The following PCDH15 variants were observed in gnomAD, a reference collection of about 807,000 sequenced individuals.
PCDH15 encodes protocadherin related 15, also known as protocadherin-15.
Under a neutral mutation model 178.5 loss-of-function variants are expected in PCDH15, and 129 were observed. That is an observed-to-expected ratio of 0.72 (90% CI 0.63 to 0.84). PCDH15 has a LOEUF of 0.84. Ranked by LOEUF, PCDH15 falls within the 40% of genes least tolerant of loss-of-function variation. The pLI is 0.00. For missense variants in PCDH15, 2,230 were observed against 2,099.9 expected (o/e 1.06, Z -1.21); for synonymous variants, 800 against 732.0 (o/e 1.09, Z -1.50).
At chr10:54,382,354 GC>G (rs1949344408) in intron 3 of PCDH15, among the ~76,000 whole-genome samples, 1 of 152,068 alleles carries the variant, frequency 6.6e-6, no homozygotes, top group African/African-American at 2.4e-5. Flanking sequence ...TCATGTAACT[GC>G]TAATATAGAC....
chr10:54,202,242 C>G (rs550023122), intron 10 of PCDH15, among the ~76,000 whole-genome samples: 1 of 151,970 alleles, frequency 6.6e-6, no homozygotes, highest in South Asian at 2.1e-4. Flanking sequence ...ACTTGCTTTA[C>G]TTACTGAACT....
chr10:54,766,941 A>AAC (rs1555187170), intron 1 of PCDH15, among the ~76,000 whole-genome samples: 7 of 148,686 alleles, frequency 4.7e-5, no homozygotes, highest in East Asian at 2.0e-4. Context: ...AAAAAACAAA[A>AAC]AAAAAAATCT....
At chr10:54,656,304 G>T (rs989077346) in intron 2 of PCDH15, among the ~76,000 whole-genome samples, 1 of 150,932 alleles carries the variant, frequency 6.6e-6, no homozygotes, top group Non-Finnish European at 1.5e-5. Context: ...GTCTGGCAGA[G>T]ATTGACCCCC....
In PCDH15 at chr10:54,796,298, C is replaced by G. The variant is rs919818175; in HGVS notation, c.-29+4627G>C. Among the ~76,000 whole-genome samples the G allele has an allele frequency of 9.6e-5, 14 of 145,768 alleles. No homozygotes were observed. The East Asian group carries it at 1.6e-3, about 17-fold the overall frequency. On this transcript the variant is annotated intron_variant, in intron 1 of 37. Transcript: ENST00000644397. Reference sequence around the variant, plus strand: ...TGTATCTATGTATCTATCTATCTATCTATCTATCTATCTATCTATCTATCA... The same window carrying G: ...TGTATCTATGTATCTATCTATCTATGTATCTATCTATCTATCTATCTATCA...
chr10:54,655,229 GGAGGAAGGGAAA>G (rs1357692725), intron 2 of PCDH15, among the ~76,000 whole-genome samples: 1 of 126,398 alleles, frequency 7.9e-6, no homozygotes, highest in Non-Finnish European at 1.6e-5. Flanking sequence ...AGGGAGGAAG[GGAGGAAGGGAAA>G]GAAAGAAAGA....
At chr10:54,856,087 G>T (rs1205221700) in intron 3 of PCDH15, among the ~76,000 whole-genome samples, 2 of 152,118 alleles carry the variant, frequency 1.3e-5, no homozygotes, top group African/African-American at 4.8e-5. Context: ...ACATATGATT[G>T]TATTTAAATA....
chr10:54,598,572 T>G (rs934956721), intron 2 of PCDH15, among the ~76,000 whole-genome samples: 2 of 151,772 alleles, frequency 1.3e-5, no homozygotes, highest in Non-Finnish European at 2.9e-5. Flanking sequence ...ACCAAAAAAA[T>G]GATTTCTCCA....
chr10:54,709,222 T>C (rs1469308575), intron 1 of PCDH15, among the ~76,000 whole-genome samples: 1 of 152,084 alleles, frequency 6.6e-6, no homozygotes, highest in African/African-American at 2.4e-5. Flanking sequence ...AAATGCATTC[T>C]TTTTAGTATT....
intron 3 of PCDH15, among the ~76,000 whole-genome samples, chr10:54,419,377 C>G (rs1954921417): frequency 1.5e-5 from 1 of 66,434 alleles, no homozygotes; most frequent in African/African-American, 9.6e-5. Flanking sequence ...ATAGAGCCAG[C>G]AATTTTGTGT....
At chr10:55,260,452 A>G (rs1300501499) in intron 1 of PCDH15, among the ~76,000 whole-genome samples, 1 of 152,218 alleles carries the variant, frequency 6.6e-6, no homozygotes, top group Admixed American at 6.5e-5. Context: ...GAGAAGAAAT[A>G]AAGTTTTCCA....
chr10:54,919,780 T>A (rs904006583), intron 2 of PCDH15, among the ~76,000 whole-genome samples: 25 of 152,258 alleles, frequency 1.6e-4, no homozygotes, highest in African/African-American at 6.0e-4. Context: ...ATTACTTTCA[T>A]ATGAAATATG....
intron 1 of PCDH15, among the ~76,000 whole-genome samples, chr10:55,205,421 T>C (rs1282650226): frequency 1.3e-5 from 2 of 151,994 alleles, no homozygotes; most frequent in East Asian, 3.9e-4. Context: ...TAATTATGTA[T>C]TTTTACTGAG....
upstream of PCDH15, among the ~76,000 whole-genome samples, chr10:55,323,554 G>C (rs1565008714): frequency 2.6e-5 from 4 of 152,156 alleles, no homozygotes. Context: ...GGAGTCAAAG[G>C]AGATCATTCT....
chr10:55,280,442 CTA>C (rs1842702524), intron 1 of PCDH15, among the ~76,000 whole-genome samples: 1 of 136,446 alleles, frequency 7.3e-6, no homozygotes, highest in Non-Finnish European at 1.6e-5. Flanking sequence ...CTGCACCCAG[CTA>C]TTTTTTTTTT....
At chr10:54,986,040 G>A (rs1234233832) in intron 2 of PCDH15, among the ~76,000 whole-genome samples, 1 of 152,122 alleles carries the variant, frequency 6.6e-6, no homozygotes, top group Non-Finnish European at 1.5e-5. Context: ...TCTTTCTCTT[G>A]TCATTTTTGA....
intron 5 of PCDH15, among the ~76,000 whole-genome samples, chr10:54,368,807 C>T (rs1184153743): frequency 6.6e-6 from 1 of 151,690 alleles, no homozygotes; most frequent in African/African-American, 2.4e-5. Flanking sequence ...AGATAAATGC[C>T]TTAGGATAAT....
chr10:53,980,010 A>G (rs11003963), intron 21 of PCDH15, among the ~76,000 whole-genome samples: 20,906 of 152,030 alleles, frequency 0.14, 2,976 homozygotes, highest in African/African-American at 0.36. Flanking sequence ...CCTGAGGTCA[A>G]GAGTTCGTGA....
chr10:54,583,798 C>T (rs1390731922), intron 2 of PCDH15, among the ~76,000 whole-genome samples: 1 of 152,040 alleles, frequency 6.6e-6, no homozygotes, highest in Non-Finnish European at 1.5e-5. Context: ...AAAGCATATT[C>T]AACACCTACC....
intron 2 of PCDH15, among the ~76,000 whole-genome samples, chr10:54,975,152 A>T (rs1839036845): frequency 6.6e-6 from 1 of 152,092 alleles, no homozygotes; most frequent in South Asian, 2.1e-4. Flanking sequence ...CATTTGGTCT[A>T]TTTGCTTTCT....
Sources: gnomAD v4.1 joint callset for allele counts (sites outside exome capture counted in the v4.1 genomes callset) on GRCh38, gnomAD v4.1.1 for gene constraint, MANE v1.5 for transcripts, NCBI Gene and HGNC (gene_info 2026-07-23, HGNC 2026-07-21) for gene names.